KCNQ3: variants seen among roughly 807,000 people sequenced by gnomAD.
The protein encoded by KCNQ3 is potassium voltage-gated channel subfamily Q member 3.
A neutral mutation model predicts 92.5 loss-of-function variants in KCNQ3; 30 were observed. The observed-to-expected ratio is 0.32, with a 90% CI of 0.24 to 0.44. The LOEUF is 0.44. KCNQ3 is among the 20% of genes least tolerant of loss of function. The pLI is 1.00. For synonymous variants in KCNQ3, 450 were observed against 468.8 expected, an observed-to-expected ratio of 0.96 and a Z score of 0.52; for missense variants, 913 against 1,140.3, an observed-to-expected ratio of 0.80 and a Z score of 2.87.
chr8:132,415,570 C>T (rs1820774541), intron 1 of KCNQ3, among the ~76,000 whole-genome samples: 1 of 152,218 alleles, frequency 6.6e-6, no homozygotes, highest in Admixed American at 6.5e-5. Context: ...ACCCAGGCTG[C>T]TCTGCAGACC....
intron 1 of KCNQ3, among the ~76,000 whole-genome samples, chr8:132,275,858 T>G (rs559365191): frequency 6.6e-6 from 1 of 152,350 alleles, no homozygotes; most frequent in East Asian, 1.9e-4. Context: ...ATTACAGGTG[T>G]GAGCCACTGT....
chr8:132,303,679 C>T (rs189487590), intron 1 of KCNQ3, among the ~76,000 whole-genome samples: 2 of 92,622 alleles, frequency 2.2e-5, no homozygotes, highest in Non-Finnish European at 2.1e-5. Flanking sequence ...TATATATATA[C>T]ACACACACAG....
At chr8:132,323,576 A>G (rs1817956272) in intron 1 of KCNQ3, among the ~76,000 whole-genome samples, 1 of 152,186 alleles carries the variant, frequency 6.6e-6, no homozygotes, top group Non-Finnish European at 1.5e-5. Context: ...CTGTTTTAGA[A>G]AATGGCCGTA....
intron 1 of KCNQ3, among the ~76,000 whole-genome samples, chr8:132,260,160 C>A (rs776292785): frequency 6.6e-6 from 1 of 152,070 alleles, no homozygotes; most frequent in South Asian, 2.1e-4. Flanking sequence ...GGCTTCAATT[C>A]GATTTGTATT....
chr8:132,193,374 C>T (rs1285191726), intron 1 of KCNQ3, among the ~76,000 whole-genome samples: 4 of 152,226 alleles, frequency 2.6e-5, no homozygotes, highest in Admixed American at 6.5e-5. Flanking sequence ...TGTAGCTGCA[C>T]GTGGCTCTAA....
At chr8:132,254,505 T>C (rs1297539324) in intron 1 of KCNQ3, among the ~76,000 whole-genome samples, 3 of 152,234 alleles carry the variant, frequency 2.0e-5, no homozygotes, top group Non-Finnish European at 4.4e-5. Flanking sequence ...TATGTGTTTG[T>C]CTCTTCAAGA....
chr8:132,192,145 A>T lies in KCNQ3; in HGVS notation c.387-5964T>A, dbSNP rs771643505. On this transcript the variant is annotated intron_variant, in intron 1 of 14. Coordinates refer to ENST00000388996, the MANE Select transcript of KCNQ3 (RefSeq NM_004519.4). ...TCGCCTTCGCCAACCACCAAAATGC[A>T]GTTTCAGCCGATTCCCATCCGCAGG... 1.1e-4 allele frequency among the ~76,000 whole-genome samples: 17 copies of T among 152,210 alleles called. No individual in the cohort carries two copies. In the South Asian group the frequency reaches 1.7e-3, roughly 15 times the overall value.
intron 1 of KCNQ3, among the ~76,000 whole-genome samples, chr8:132,308,478 A>G (rs943729936): frequency 9.9e-5 from 15 of 152,172 alleles, no homozygotes; most frequent in Non-Finnish European, 8.8e-5. Context: ...AGCATTGAGG[A>G]GCCAAGAAGC....
chr8:132,225,540 T>C (rs1814383744), intron 1 of KCNQ3, among the ~76,000 whole-genome samples: 1 of 152,224 alleles, frequency 6.6e-6, no homozygotes, highest in African/African-American at 2.4e-5. Context: ...ATCCTACTTA[T>C]ATATGCTACC....
intron 1 of KCNQ3, among the ~76,000 whole-genome samples, chr8:132,447,504 A>G (rs1821714009): frequency 1.3e-5 from 2 of 152,160 alleles, no homozygotes; most frequent in Admixed American, 1.3e-4. Context: ...AAAACAGGAG[A>G]AAGAAAAGTA....
chr8:132,228,930 G>C (rs552423478), intron 1 of KCNQ3, among the ~76,000 whole-genome samples: 1 of 152,242 alleles, frequency 6.6e-6, no homozygotes, highest in African/African-American at 2.4e-5. Context: ...GGGAGAGAGG[G>C]AACAATCAGG....
chr8:132,256,534 G>T (rs1815595234), intron 1 of KCNQ3, among the ~76,000 whole-genome samples: 1 of 152,120 alleles, frequency 6.6e-6, no homozygotes, highest in Non-Finnish European at 1.5e-5. Context: ...TAAACTTAGT[G>T]AATCAGAGCT....
intron 1 of KCNQ3, among the ~76,000 whole-genome samples, chr8:132,310,886 G>A (rs1817574101): frequency 2.0e-5 from 3 of 152,118 alleles, no homozygotes. Context: ...TGACCACTGG[G>A]AAGCAGCAGA....
chr8:132,290,599 A>G (rs1816810497), intron 1 of KCNQ3, among the ~76,000 whole-genome samples: 1 of 152,164 alleles, frequency 6.6e-6, no homozygotes, highest in South Asian at 2.1e-4. Flanking sequence ...GGAGAAGTAA[A>G]GACATCAGGA....
At chr8:132,251,963 T>C (rs1815425757) in intron 1 of KCNQ3, among the ~76,000 whole-genome samples, 1 of 152,244 alleles carries the variant, frequency 6.6e-6, no homozygotes, top group African/African-American at 2.4e-5. Flanking sequence ...TAGTCCTTTC[T>C]CATCTTCTGG....
intron 1 of KCNQ3, among the ~76,000 whole-genome samples, chr8:132,371,850 G>A (rs72721036): frequency 0.18 from 27,947 of 152,154 alleles, 3,036 homozygotes; most frequent in African/African-American, 0.3. Context: ...ATCTCCCTCC[G>A]CACACAGCAA....
chr8:132,366,201 TTTTAG>T (rs1173446853), intron 1 of KCNQ3, among the ~76,000 whole-genome samples: 1 of 152,166 alleles, frequency 6.6e-6, no homozygotes, highest in African/African-American at 2.4e-5. Context: ...TCTTGCACAT[TTTTAG>T]TTAAGTTTAT....
At chr8:132,370,698 C>A (rs1238868355) in intron 1 of KCNQ3, among the ~76,000 whole-genome samples, 1 of 152,092 alleles carries the variant, frequency 6.6e-6, no homozygotes, top group Admixed American at 6.5e-5. Flanking sequence ...GGGAGCAGAG[C>A]CCATAGCGAG....
At position 132,330,162 on chromosome 8, in the gene KCNQ3, A is replaced by G. The variant is rs530580195; in HGVS notation, c.387-143981T>C. 2.1e-4 allele frequency among the ~76,000 whole-genome samples: 32 copies of G among 152,316 alleles called. 1 individual carries two copies. The highest frequency in any genetic ancestry group is 3.4e-3 in the Middle Eastern group (1 of 294). On this transcript the variant is annotated intron_variant, in intron 1 of 14. Transcript: ENST00000388996. Reference sequence around the variant, plus strand: ...AAAGTGAAGATGGAGTGGAGACTGCAGTGATATGGCCACAAGCCCAGGAAT... The same window carrying G: ...AAAGTGAAGATGGAGTGGAGACTGCGGTGATATGGCCACAAGCCCAGGAAT...
Sources: allele counts gnomAD v4.1 joint callset (sites outside exome capture counted in the v4.1 genomes callset), GRCh38; gene constraint gnomAD v4.1.1; transcripts MANE v1.5; gene names NCBI Gene and HGNC (gene_info 2026-07-23, HGNC 2026-07-21).